Variants in SH3GL2 observed in about 807,000 individuals in gnomAD.
SH3GL2 encodes SH3 domain containing GRB2 like 2, endophilin A1, also known as endophilin-A1.
Under a neutral mutation model 46.0 loss-of-function variants are expected in SH3GL2, and 24 were observed. The observed-to-expected ratio is 0.52, with a 90% CI of 0.38 to 0.73. SH3GL2 has a LOEUF of 0.73. Among genes scored for constraint, SH3GL2 ranks in the 30% least tolerant of loss-of-function variants. The probability of loss-of-function intolerance (pLI) is 0.00; values close to 1 mark genes in which losing one functional copy is unlikely to be tolerated. For synonymous variants in SH3GL2, 196 were observed against 147.1 expected, an observed-to-expected ratio of 1.33 and a Z score of -2.40; for missense variants, 413 against 424.2, an observed-to-expected ratio of 0.97 and a Z score of 0.23.
chr9:17,612,500 C>T (rs961597198), intron 1 of SH3GL2, among the ~76,000 whole-genome samples: 23 of 152,092 alleles, frequency 1.5e-4, no homozygotes, highest in African/African-American at 5.1e-4. Flanking sequence ...TTGCAAAATG[C>T]AGCTCTATTG....
At position 17,761,441 on chromosome 9, in the gene SH3GL2, T is replaced by G; in HGVS notation, c.119T>G (p.Val40Gly). 6.3e-7 allele frequency: 1 copy of G among 1,599,582 alleles called. No individual in the cohort carries two copies. Among genetic ancestry groups the G allele is most frequent in the Non-Finnish European group, 8.6e-7 (1 of 1,166,730 alleles). Residue 40 changes from valine (V) to glycine (G), a missense_variant, in exon 3 of 9, where the codon GTG (valine) becomes GGG (glycine). Around this residue, in one of 3 missense-constraint regions of SH3GL2, gnomAD observed 160 missense variants for 192.3 expected, o/e 0.83. Transcript: ENST00000380607. The stretch of plus-strand genomic sequence containing the variant: ...GCACTTATTTTCTCATTTCAGAAAG[T>G]GGATGTCACCAGCAGGGCTGTGATG... ...DDDFKEMERK[V>G]DVTSRAVMEI...
intron 1 of SH3GL2, among the ~76,000 whole-genome samples, chr9:17,682,179 C>G (rs1820787061): frequency 6.6e-6 from 1 of 152,216 alleles, no homozygotes; most frequent in East Asian, 1.9e-4. Flanking sequence ...ACAACCAGAA[C>G]TACCGTTTGA....
At chr9:17,747,760 C>T (rs1235251842) in intron 2 of SH3GL2, among the ~76,000 whole-genome samples, 1 of 152,036 alleles carries the variant, frequency 6.6e-6, no homozygotes, top group East Asian at 1.9e-4. Context: ...CTGCAACCTC[C>T]GTCTCCTGGG....
At chr9:17,582,780 G>A (rs1009097348) in intron 1 of SH3GL2, among the ~76,000 whole-genome samples, 1 of 152,194 alleles carries the variant, frequency 6.6e-6, no homozygotes, top group African/African-American at 2.4e-5. Flanking sequence ...GCTCTCTGAA[G>A]GTATGAGACA....
intron 1 of SH3GL2, among the ~76,000 whole-genome samples, chr9:17,656,749 C>T (rs1444830362): frequency 1.7e-5 from 2 of 119,150 alleles, no homozygotes; most frequent in East Asian, 5.3e-4. Flanking sequence ...CAAGCCTGGG[C>T]GACAGAGTGA....
chr9:17,645,243 G>A (rs1461969756), intron 1 of SH3GL2, among the ~76,000 whole-genome samples: 1 of 132,358 alleles, frequency 7.6e-6, no homozygotes, highest in African/African-American at 2.9e-5. Context: ...GTGTGCTTTT[G>A]CACATGAGAT....
At chr9:17,608,958 C>G (rs992503972) in intron 1 of SH3GL2, among the ~76,000 whole-genome samples, 1 of 152,128 alleles carries the variant, frequency 6.6e-6, no homozygotes, top group East Asian at 1.9e-4. Context: ...GGACAGAGAT[C>G]CAGGACACCC....
At chr9:17,691,096 A>G (rs1377537748) in intron 1 of SH3GL2, among the ~76,000 whole-genome samples, 2 of 152,306 alleles carry the variant, frequency 1.3e-5, no homozygotes, top group East Asian at 3.9e-4. Context: ...ATGCTAGGGT[A>G]AAGTTAATGA....
intron 1 of SH3GL2, among the ~76,000 whole-genome samples, chr9:17,662,775 C>G (rs1338895755): frequency 1.4e-5 from 2 of 145,652 alleles, no homozygotes; most frequent in South Asian, 2.2e-4. Flanking sequence ...AGTGGCACGA[C>G]CTCAGCTCAC....
chr9:17,684,160 A>C (rs937740814), intron 1 of SH3GL2, among the ~76,000 whole-genome samples: 1 of 152,150 alleles, frequency 6.6e-6, no homozygotes, highest in African/African-American at 2.4e-5. Flanking sequence ...TTAAATAACT[A>C]TGATCAATAT....
At chr9:17,734,661 C>A (rs189703730) in intron 1 of SH3GL2, among the ~76,000 whole-genome samples, 1 of 151,984 alleles carries the variant, frequency 6.6e-6, no homozygotes, top group Non-Finnish European at 1.5e-5. Context: ...ACATGAGGAA[C>A]CTTGAAAACA....
intron 3 of SH3GL2, among the ~76,000 whole-genome samples, chr9:17,763,589 G>T (rs1412483701): frequency 6.6e-6 from 1 of 152,160 alleles, no homozygotes; most frequent in African/African-American, 2.4e-5. Context: ...GCCTCCAGAG[G>T]GAACCAACTT....
At chr9:17,671,787 A>T (rs968699977) in intron 1 of SH3GL2, among the ~76,000 whole-genome samples, 2 of 152,222 alleles carry the variant, frequency 1.3e-5, no homozygotes, top group African/African-American at 4.8e-5. Flanking sequence ...CACAAACTTA[A>T]TAAATGGCCT....
chr9:17,782,568 G>A (rs1389086274), intron 3 of SH3GL2, among the ~76,000 whole-genome samples: 1 of 152,112 alleles, frequency 6.6e-6, no homozygotes, highest in African/African-American at 2.4e-5. Context: ...TAATTAGTGT[G>A]AAGGAAAAGC....
intron 1 of SH3GL2, among the ~76,000 whole-genome samples, chr9:17,733,762 C>T (rs953860337): frequency 3.3e-5 from 5 of 152,088 alleles, no homozygotes; most frequent in Non-Finnish European, 5.9e-5. Flanking sequence ...AAATGCGGCA[C>T]ATATACACCA....
intron 1 of SH3GL2, among the ~76,000 whole-genome samples, chr9:17,685,624 A>G (rs1435319525): frequency 1.3e-5 from 2 of 152,190 alleles, no homozygotes; most frequent in East Asian, 1.9e-4. Flanking sequence ...TGATTTTTGT[A>G]TAAGGTGTGA....
intron 1 of SH3GL2, among the ~76,000 whole-genome samples, chr9:17,641,591 G>GCT (rs1819683764): frequency 6.6e-6 from 1 of 151,928 alleles, no homozygotes; most frequent in East Asian, 1.9e-4. Context: ...CCCTTCCCTT[G>GCT]CCCCACATTC....
At chr9:17,781,608 C>G (rs1212947512) in intron 3 of SH3GL2, among the ~76,000 whole-genome samples, 1 of 152,086 alleles carries the variant, frequency 6.6e-6, no homozygotes, top group Non-Finnish European at 1.5e-5. Context: ...GGGTATGTGT[C>G]TATTCAGCTT....
chr9:17,786,242 A>G (rs909455296), intron 3 of SH3GL2, 139 bp from the exon 4 acceptor site: 5 of 692,056 alleles, frequency 7.2e-6, no homozygotes, highest in Non-Finnish European at 1.2e-5. Context: ...GACGGAGAGA[A>G]CACTGGAGCG....
Sources: allele counts gnomAD v4.1 joint callset (sites outside exome capture counted in the v4.1 genomes callset), GRCh38; gene constraint gnomAD v4.1.1; regional missense constraint gnomAD v4.1.1; transcripts MANE v1.5; gene names NCBI Gene and HGNC (gene_info 2026-07-23, HGNC 2026-07-21).